Variants in SLC25A21 observed in about 807,000 individuals in gnomAD.
SLC25A21 encodes solute carrier family 25 member 21.
Under a neutral mutation model 43.8 loss-of-function variants are expected in SLC25A21, and 47 were observed. The ratio of observed to expected loss-of-function variants is 1.07; its 90% confidence interval spans 0.85 to 1.37. SLC25A21 has a LOEUF of 1.37. Ranked by LOEUF, SLC25A21 falls within the 40% of genes most tolerant of loss-of-function variation. SLC25A21 has a pLI of 0.00. For missense variants in SLC25A21, 352 were observed against 350.2 expected, an observed-to-expected ratio of 1.00 and a Z score of -0.04; for synonymous variants, 131 against 121.3, an observed-to-expected ratio of 1.08 and a Z score of -0.52.
At chr14:37,162,496 T>C (rs932951566) in intron 1 of SLC25A21, among the ~76,000 whole-genome samples, 1 of 93,740 alleles carries the variant, frequency 1.1e-5, no homozygotes, top group African/African-American at 3.7e-5. Context: ...GAACAGACAC[T>C]TCTCAAAAGA....
At chr14:37,003,117 T>C (rs1335569405) in intron 1 of SLC25A21, among the ~76,000 whole-genome samples, 1 of 152,192 alleles carries the variant, frequency 6.6e-6, no homozygotes, top group Admixed American at 6.5e-5. Flanking sequence ...ACTACATCTT[T>C]TTCCTATACA....
At chr14:36,921,494 A>G (rs1891980520) in intron 1 of SLC25A21, among the ~76,000 whole-genome samples, 1 of 152,210 alleles carries the variant, frequency 6.6e-6, no homozygotes, top group African/African-American at 2.4e-5. Context: ...TTTACATTGT[A>G]ATACAGTGAA....
intron 1 of SLC25A21, among the ~76,000 whole-genome samples, chr14:37,031,569 G>A (rs1044886218): frequency 6.6e-6 from 1 of 152,090 alleles, no homozygotes; most frequent in African/African-American, 2.4e-5. Context: ...CTTGATGTTG[G>A]CAGAGATGTG....
rs1045830351 is a variant in SLC25A21, at chr14:36,852,777, T to C, written c.119+22179A>G. Among the ~76,000 whole-genome samples the C allele has an allele frequency of 3.9e-5, 6 of 152,120 alleles. No individual in the cohort carries two copies. In the South Asian group the frequency reaches 8.3e-4, roughly 21 times the overall value. ...ATTTTGGTCAAGAAAAGTGTTACTC[T>C]AATAGTTCCAAGACAAACACACAGC... On this transcript the variant is annotated intron_variant, in intron 2 of 9. Coordinates refer to ENST00000331299, the MANE Select transcript of SLC25A21 (RefSeq NM_030631.4).
chr14:36,904,989 G>A (rs2138603405), intron 1 of SLC25A21, among the ~76,000 whole-genome samples: 1 of 152,270 alleles, frequency 6.6e-6, no homozygotes, highest in Admixed American at 6.5e-5. Flanking sequence ...AACCTATTTA[G>A]ATATGATTAG....
chr14:36,789,572 G>A (rs932414197), intron 3 of SLC25A21, among the ~76,000 whole-genome samples: 3 of 150,368 alleles, frequency 2.0e-5, no homozygotes, highest in African/African-American at 7.3e-5. Flanking sequence ...AAACATGTTT[G>A]TAGGCAAGGT....
chr14:36,894,876 C>T (rs1039243417), intron 1 of SLC25A21, among the ~76,000 whole-genome samples: 5 of 152,110 alleles, frequency 3.3e-5, no homozygotes, highest in Non-Finnish European at 5.9e-5. Flanking sequence ...AGCCTTGCAT[C>T]CCAGGGATGA....
At chr14:36,942,902 G>A (rs1212928185) in intron 1 of SLC25A21, among the ~76,000 whole-genome samples, 2 of 152,214 alleles carry the variant, frequency 1.3e-5, no homozygotes, top group African/African-American at 4.8e-5. Context: ...TTCCTTCATG[G>A]CACTTTTTAG....
chr14:36,877,747 A>G (rs1430123945), intron 1 of SLC25A21, among the ~76,000 whole-genome samples: 1 of 7,152 alleles, frequency 1.4e-4, no homozygotes, highest in African/African-American at 1.9e-4. Context: ...AAAAAAGAAG[A>G]AAAGAGGCAA....
intron 1 of SLC25A21, among the ~76,000 whole-genome samples, chr14:36,979,575 C>T (rs755193824): frequency 5.9e-5 from 9 of 152,114 alleles, no homozygotes; most frequent in Non-Finnish European, 1.0e-4. Context: ...AGGCTGGTCT[C>T]GAACTACCGA....
intron 7 of SLC25A21, among the ~76,000 whole-genome samples, chr14:36,706,865 A>G (rs535871104): frequency 4.3e-4 from 63 of 145,756 alleles, no homozygotes; most frequent in Admixed American, 5.4e-4. Flanking sequence ...TCTCCCTCCC[A>G]TCCCCACCCC....
In SLC25A21 at chr14:36,679,595, T is replaced by TAA. The variant is rs1039443327; in HGVS notation, c.*1061_*1062dup. The TAA allele has an allele frequency of 7.1e-6, 7 of 985,282 alleles. No individual in the cohort carries two copies. The highest frequency in any genetic ancestry group is 1.1e-4 in the East Asian group (1 of 8,828). The allele number at this position is 985,282 out of a possible 1,614,324, so 61.0% of individuals were successfully genotyped here. ...TTAGTATAGTAATCCTTAGAAATGC[T>TAA]AAGTGTATTTCTTTTTCAGAACATT... On this transcript the variant is annotated 3_prime_UTR_variant, in exon 10 of 10. Coordinates refer to ENST00000331299, the MANE Select transcript of SLC25A21 (RefSeq NM_030631.4).
At chr14:37,137,239 C>T (rs1190148731) in intron 1 of SLC25A21, among the ~76,000 whole-genome samples, 4 of 152,008 alleles carry the variant, frequency 2.6e-5, no homozygotes, top group African/African-American at 7.2e-5. Context: ...CCTCGTGATC[C>T]GCCCGCCTCG....
intron 3 of SLC25A21, among the ~76,000 whole-genome samples, chr14:36,774,083 G>A (rs1886726624): frequency 6.6e-6 from 1 of 152,178 alleles, no homozygotes; most frequent in Non-Finnish European, 1.5e-5. Context: ...ACTTCTAGGA[G>A]TGCTTTCTTT....
intron 7 of SLC25A21, among the ~76,000 whole-genome samples, chr14:36,694,703 T>C (rs1033474789): frequency 6.6e-6 from 1 of 152,258 alleles, no homozygotes; most frequent in Non-Finnish European, 1.5e-5. Context: ...GCTGCATAAA[T>C]GTCTTCTTCT....
At chr14:37,143,859 T>C (rs891011687) in intron 1 of SLC25A21, among the ~76,000 whole-genome samples, 3 of 152,208 alleles carry the variant, frequency 2.0e-5, no homozygotes, top group African/African-American at 7.2e-5. Context: ...CAGTTTGGAA[T>C]CTATCAAAAG....
At chr14:36,856,852 C>A (rs559377712) in intron 2 of SLC25A21, among the ~76,000 whole-genome samples, 38 of 152,322 alleles carry the variant, frequency 2.5e-4, no homozygotes, top group Non-Finnish European at 3.2e-4. Flanking sequence ...ATGGAAAGAA[C>A]GAATGAGAGC....
At chr14:36,683,964 C>G in intron 8 of SLC25A21, 84 bp from the exon 9 acceptor site, 1 of 942,456 alleles carries the variant, frequency 1.1e-6, no homozygotes, top group South Asian at 1.6e-5. Context: ...AGGGACCCAG[C>G]ATTTAAAAAA....
chr14:36,747,924 G>A (rs8021974), intron 3 of SLC25A21, among the ~76,000 whole-genome samples: 22,410 of 152,102 alleles, frequency 0.15, 2,557 homozygotes, highest in African/African-American at 0.32. Flanking sequence ...TGTGGTGACC[G>A]TTTGTATTTC....
Sources: allele counts gnomAD v4.1 joint callset (sites outside exome capture counted in the v4.1 genomes callset), GRCh38; gene constraint gnomAD v4.1.1; transcripts MANE v1.5; gene names NCBI Gene and HGNC (gene_info 2026-07-23, HGNC 2026-07-21).